Variants in PHB1 observed in about 807,000 individuals in gnomAD.
The protein encoded by PHB1 is prohibitin 1.
At chr17:49,411,603 A>G in the PHB1 span, 1 of 1,294,074 alleles carries the variant, frequency 7.7e-7, no homozygotes, top group Non-Finnish European at 1.1e-6. Context: ...TATCCCACAG[A>G]TGCTCCTGTG....
At chr17:49,411,310 C>T in the PHB1 span, among the ~76,000 whole-genome samples, 5 of 151,604 alleles carry the variant, frequency 3.3e-5, no homozygotes, top group Admixed American at 3.3e-4. Flanking sequence ...AAGCAATTCT[C>T]CTGCCTCAGC....
At chr17:49,405,233 C>A in the PHB1 span, 2 of 1,590,132 alleles carry the variant, frequency 1.3e-6, no homozygotes, top group South Asian at 2.2e-5. Context: ...AGACAAAGAT[C>A]AAACCTCAGG....
chr17:49,404,609 G>A, the PHB1 span: 1 of 301,752 alleles, frequency 3.3e-6, no homozygotes, highest in South Asian at 3.1e-5. Context: ...TCAGTGACAG[G>A]ACGGAGGCCA....
At chr17:49,411,359 G>A in the PHB1 span, among the ~76,000 whole-genome samples, 2 of 151,614 alleles carry the variant, frequency 1.3e-5, no homozygotes, top group Admixed American at 6.6e-5. Context: ...CCCCACCACC[G>A]GCTAATTTTT....
the PHB1 span, chr17:49,407,278 C>T: frequency 1.7e-5 from 3 of 171,642 alleles, no homozygotes; most frequent in Non-Finnish European, 3.9e-5. Flanking sequence ...AAAACAGGGT[C>T]CCTGAGAGTG....
the PHB1 span, chr17:49,411,975 T>C: frequency 1.3e-6 from 1 of 756,960 alleles, no homozygotes. Context: ...CCCCAACTCC[T>C]GGTCTCTAGA....
the PHB1 span, among the ~76,000 whole-genome samples, chr17:49,405,765 CACAAACAA>C: frequency 2.1e-3 from 318 of 151,312 alleles, no homozygotes; most frequent in Non-Finnish European, 2.9e-3. Flanking sequence ...ACAGAGCTGT[CACAAACAA>C]ACAAACAAAC....
chr17:49,405,721 G>C, the PHB1 span, among the ~76,000 whole-genome samples: 17 of 152,248 alleles, frequency 1.1e-4, no homozygotes, highest in Admixed American at 1.0e-3. Context: ...GCTGCAGTGA[G>C]CTATGATCAT....
At chr17:49,409,050 C>A in the PHB1 span, 1 of 1,595,292 alleles carries the variant, frequency 6.3e-7, no homozygotes, top group Non-Finnish European at 8.5e-7. Context: ...ACCAAGGACA[C>A]GTCATCCAGG....
the PHB1 span, chr17:49,411,866 A>G: frequency 6.2e-7 from 1 of 1,605,858 alleles, no homozygotes; most frequent in African/African-American, 1.3e-5. Flanking sequence ...ATGACATGTC[A>G]TAAAAATCCT....
the PHB1 span, chr17:49,404,927 G>A: frequency 2.8e-6 from 3 of 1,061,372 alleles, no homozygotes; most frequent in Non-Finnish European, 2.8e-6. Context: ...CAGAAGGAAG[G>A]CTGTGTTAAG....
chr17:49,412,950 G>A, the PHB1 span: 1 of 480,688 alleles, frequency 2.1e-6, no homozygotes. Context: ...CTAGGAAGTG[G>A]GCTGGGAAGC....
Sources: gnomAD v4.1 joint callset for allele counts (sites outside exome capture counted in the v4.1 genomes callset) on GRCh38, gnomAD v4.1.1 for gene constraint, MANE v1.5 for transcripts, NCBI Gene and HGNC (gene_info 2026-07-23, HGNC 2026-07-21) for gene names.